Variants in BMP5 observed in about 807,000 individuals in gnomAD.
BMP5 encodes bone morphogenetic protein 5.
BMP5 carries 23 observed loss-of-function variants against 46.6 expected under a neutral mutation model. That is an observed-to-expected ratio of 0.49 (90% confidence interval 0.35 to 0.70). The LOEUF (loss-of-function observed/expected upper bound fraction) is 0.70, where lower values mean the gene tolerates loss of function less well. Among genes scored for constraint, BMP5 ranks in the 30% least tolerant of loss-of-function variants. BMP5 has a pLI of 0.00. For missense variants in BMP5, 545 were observed against 565.6 expected (o/e 0.96, Z 0.37); for synonymous variants, 204 against 191.9 (o/e 1.06, Z -0.52).
chr6:55,793,072 T>G (rs534442265), intron 3 of BMP5, among the ~76,000 whole-genome samples: 3 of 152,158 alleles, frequency 2.0e-5, no homozygotes, highest in African/African-American at 7.2e-5. Flanking sequence ...TTAAATTATG[T>G]CTTATCCTCC....
chr6:55,800,861 GA>G (rs1348495392), intron 2 of BMP5, among the ~76,000 whole-genome samples: 1 of 152,106 alleles, frequency 6.6e-6, no homozygotes, highest in Non-Finnish European at 1.5e-5. Context: ...TCCATTTTCA[GA>G]ACACTTTCTC....
chr6:55,851,236 G>C (rs1018628226), intron 1 of BMP5, among the ~76,000 whole-genome samples: 6 of 151,326 alleles, frequency 4.0e-5, no homozygotes, highest in African/African-American at 1.5e-4. Context: ...CAGCTAGACA[G>C]GTCTCTGTGC....
At chr6:55,760,694 T>C (rs558648890) in intron 4 of BMP5, among the ~76,000 whole-genome samples, 161 bp from the exon 5 acceptor site, 1 of 152,138 alleles carries the variant, frequency 6.6e-6, no homozygotes, top group Admixed American at 6.6e-5. Flanking sequence ...CCATGTGAAC[T>C]TCAGTCAAGT....
intron 3 of BMP5, among the ~76,000 whole-genome samples, chr6:55,784,957 A>C (rs1323259067): frequency 6.6e-6 from 1 of 151,848 alleles, no homozygotes; most frequent in Non-Finnish European, 1.5e-5. Flanking sequence ...ACTCGTGTAC[A>C]AAATGGGTTA....
At chr6:55,776,063 A>G (rs898989618) in intron 3 of BMP5, among the ~76,000 whole-genome samples, 1 of 152,034 alleles carries the variant, frequency 6.6e-6, no homozygotes, top group African/African-American at 2.4e-5. Flanking sequence ...GAGTTCTACA[A>G]GAGAAGGGAC....
chr6:55,761,079 A>G (rs1002578591), intron 4 of BMP5, among the ~76,000 whole-genome samples: 1 of 152,042 alleles, frequency 6.6e-6, no homozygotes, highest in African/African-American at 2.4e-5. Context: ...GACTAATGGT[A>G]GTTGCCTGGG....
intron 2 of BMP5, among the ~76,000 whole-genome samples, chr6:55,804,156 T>C (rs1345198932): frequency 2.6e-5 from 4 of 152,228 alleles, no homozygotes; most frequent in African/African-American, 9.6e-5. Context: ...TCCCTCATAC[T>C]TGTGAATGTG....
At chr6:55,869,888 C>T (rs1168647854) in intron 1 of BMP5, among the ~76,000 whole-genome samples, 1 of 152,078 alleles carries the variant, frequency 6.6e-6, no homozygotes, top group Non-Finnish European at 1.5e-5. Context: ...AATTCTCAAA[C>T]TGTAACTAAT....
At chr6:55,781,740 T>C (rs1417972182) in intron 3 of BMP5, among the ~76,000 whole-genome samples, 2 of 152,090 alleles carry the variant, frequency 1.3e-5, no homozygotes, top group East Asian at 3.9e-4. Flanking sequence ...CCTGAGTAGC[T>C]AGGACTAGAG....
At chr6:55,829,135 C>T (rs1036946437) in intron 1 of BMP5, among the ~76,000 whole-genome samples, 16 of 151,758 alleles carry the variant, frequency 1.1e-4, no homozygotes, top group African/African-American at 3.6e-4. Context: ...ATGTTCTGTT[C>T]TGTTTAGGCA....
chr6:55,783,150 A>G (rs960693845), intron 3 of BMP5, among the ~76,000 whole-genome samples: 3 of 152,124 alleles, frequency 2.0e-5, no homozygotes, highest in African/African-American at 7.2e-5. Context: ...TGAAGACTCA[A>G]TACTTCTTAT....
chr6:55,759,419 T>C (rs1171052117), intron 5 of BMP5, among the ~76,000 whole-genome samples: 2 of 151,936 alleles, frequency 1.3e-5, no homozygotes, highest in Non-Finnish European at 2.9e-5. Context: ...TCATAGTATG[T>C]ATTAAACATG....
intron 1 of BMP5, among the ~76,000 whole-genome samples, chr6:55,834,853 G>A (rs1340449835): frequency 1.5e-4 from 23 of 152,164 alleles, no homozygotes; most frequent in Admixed American, 1.4e-3. Context: ...AGTTGAGGCA[G>A]GTGGACCACC....
At chr6:55,836,761 G>A (rs530734908) in intron 1 of BMP5, among the ~76,000 whole-genome samples, 20 of 151,988 alleles carry the variant, frequency 1.3e-4, no homozygotes, top group Non-Finnish European at 1.9e-4. Context: ...TCAACTCTAC[G>A]TTCACACAGC....
At chr6:55,820,442 A>C (rs1038421033) in intron 1 of BMP5, among the ~76,000 whole-genome samples, 2 of 152,048 alleles carry the variant, frequency 1.3e-5, no homozygotes, top group African/African-American at 4.8e-5. Context: ...TTCTTGAGAA[A>C]GGTCTCACTC....
chr6:55,785,019 G>A (rs1439280024), intron 3 of BMP5, among the ~76,000 whole-genome samples: 1 of 151,774 alleles, frequency 6.6e-6, no homozygotes, highest in Admixed American at 6.6e-5. Flanking sequence ...TTAACACTGA[G>A]TAAGCTCTCA....
intron 2 of BMP5, among the ~76,000 whole-genome samples, chr6:55,807,004 G>T (rs1032601624): frequency 6.6e-6 from 1 of 152,142 alleles, no homozygotes; most frequent in African/African-American, 2.4e-5. Context: ...GTAGAATCAT[G>T]CCATCTGCAA....
chr6:55,869,654 T>G (rs553558397), intron 1 of BMP5, among the ~76,000 whole-genome samples: 2 of 152,168 alleles, frequency 1.3e-5, no homozygotes, highest in Non-Finnish European at 2.9e-5. Flanking sequence ...AATGTTATTT[T>G]ATAAAATAAA....
intron 2 of BMP5, among the ~76,000 whole-genome samples, chr6:55,815,133 C>CAAAA (rs35015007): frequency 2.3e-4 from 18 of 77,948 alleles, no homozygotes; most frequent in Admixed American, 6.1e-4. Context: ...AACTCCATCT[C>CAAAA]AAAAAAAAAA....
Sources: allele counts gnomAD v4.1 joint callset (sites outside exome capture counted in the v4.1 genomes callset), GRCh38; gene constraint gnomAD v4.1.1; transcripts MANE v1.5; gene names NCBI Gene and HGNC (gene_info 2026-07-23, HGNC 2026-07-21).